TCF20: variants seen among roughly 807,000 people sequenced by gnomAD.
The protein encoded by TCF20 is SPRE-binding protein.
A neutral mutation model predicts 148.6 loss-of-function variants in TCF20; 3 were observed. The ratio of observed to expected loss-of-function variants is 0.02; its 90% CI spans 0.01 to 0.05. The LOEUF (loss-of-function observed/expected upper bound fraction) is 0.05, where lower values mean the gene tolerates loss of function less well. Among genes scored for constraint, TCF20 ranks in the 10% least tolerant of loss-of-function variants. TCF20 has a pLI of 1.00. For synonymous variants in TCF20, 1,049 were observed against 909.5 expected (o/e 1.15, Z -2.76); for missense variants, 2,350 against 2,429.3 (o/e 0.97, Z 0.69).
At chr22:42,231,305 T>C (rs1207152886) in intron 1 of TCF20, among the ~76,000 whole-genome samples, 1 of 151,994 alleles carries the variant, frequency 6.6e-6, no homozygotes, top group Non-Finnish European at 1.5e-5. Context: ...CAACATAGCA[T>C]GACTCCAGCT....
At chr22:42,326,440 T>G (rs1428026489) in intron 1 of TCF20, among the ~76,000 whole-genome samples, 1 of 152,110 alleles carries the variant, frequency 6.6e-6, no homozygotes, top group Non-Finnish European at 1.5e-5. Context: ...CTCATAGAAA[T>G]GAGACATAGC....
At chr22:42,268,032 G>A (rs1926385498) in intron 1 of TCF20, among the ~76,000 whole-genome samples, 1 of 152,062 alleles carries the variant, frequency 6.6e-6, no homozygotes, top group African/African-American at 2.4e-5. Context: ...TCTAATCCCA[G>A]CTACTCGGGA....
chr22:42,312,730 G>C (rs185744813), intron 1 of TCF20, among the ~76,000 whole-genome samples: 1 of 152,090 alleles, frequency 6.6e-6, no homozygotes, highest in Non-Finnish European at 1.5e-5. Flanking sequence ...CTCCCCATCT[G>C]CAAGATGTGA....
At chr22:42,170,969 A>G (rs1936099268) in intron 3 of TCF20, among the ~76,000 whole-genome samples, 1 of 152,148 alleles carries the variant, frequency 6.6e-6, no homozygotes, top group African/African-American at 2.4e-5. Flanking sequence ...AGCCTCCAAC[A>G]CAAATCACAT....
intron 1 of TCF20, among the ~76,000 whole-genome samples, chr22:42,254,076 CAAAAAAAA>C (rs528387021): frequency 3.4e-4 from 18 of 53,592 alleles, no homozygotes; most frequent in East Asian, 7.0e-4. Context: ...AACTCCCTTT[CAAAAAAAA>C]AAAAAAAAAA....
At chr22:42,202,046 CA>C in intron 2 of TCF20, among the ~76,000 whole-genome samples, 1 of 152,292 alleles carries the variant, frequency 6.6e-6, no homozygotes, top group South Asian at 2.1e-4. Flanking sequence ...CCCCCCGCAG[CA>C]AACTTGAGTT....
chr22:42,286,753 A>T (rs1927038945), upstream of TCF20, among the ~76,000 whole-genome samples: 1 of 152,170 alleles, frequency 6.6e-6, no homozygotes, highest in Non-Finnish European at 1.5e-5. Flanking sequence ...AAGCAGGGTA[A>T]CACTCTTTAT....
chr22:42,254,733 G>C (rs571937024), intron 1 of TCF20, among the ~76,000 whole-genome samples: 3 of 152,246 alleles, frequency 2.0e-5, no homozygotes, highest in Non-Finnish European at 4.4e-5. Flanking sequence ...TTGAGAGGCC[G>C]TGACAGGCAG....
chr22:42,254,959 C>CAAAAAAAAAAAAAAAAAAAAAAA (rs10625678), intron 1 of TCF20, among the ~76,000 whole-genome samples: 8 of 62,806 alleles, frequency 1.3e-4, no homozygotes, highest in African/African-American at 7.7e-4. Context: ...GACTCCGTCT[C>CAAAAAAAAAAAAAAAAAAAAAAA]AAAAAAAAAA....
chr22:42,199,511 T>G (rs1937839736), intron 2 of TCF20, among the ~76,000 whole-genome samples: 1 of 152,034 alleles, frequency 6.6e-6, no homozygotes, highest in Non-Finnish European at 1.5e-5. Flanking sequence ...GTGCTCTTTC[T>G]CAGTGTAATT....
At chr22:42,216,731 C>CA (rs749440089) in intron 1 of TCF20, among the ~76,000 whole-genome samples, 279 of 152,232 alleles carry the variant, frequency 1.8e-3, no homozygotes, top group Non-Finnish European at 2.8e-3. Context: ...TGGAGGACAG[C>CA]AAAAAACAGA....
chr22:42,168,881 G>T, intron 4 of TCF20, 145 bp from the exon 5 acceptor site: 1 of 1,166,366 alleles, frequency 8.6e-7, no homozygotes, highest in South Asian at 1.9e-5. Flanking sequence ...GAGACATTCA[G>T]ACAGGGTTTT....
intron 1 of TCF20, among the ~76,000 whole-genome samples, chr22:42,264,661 TTATC>T (rs1420454017): frequency 2.0e-5 from 3 of 152,226 alleles, no homozygotes; most frequent in Non-Finnish European, 2.9e-5. Context: ...AGAACAGGGA[TTATC>T]TTTGTGACCA....
rs540026059 is a variant in TCF20, at chr22:42,193,288, CT to C, written c.5656-13587del. ...TACATCTCCTCCTCCTCCACCTACACTTTTTTTTTTTTTTGAGATAGGGTCT... is the reference window on the plus strand; with the variant it reads ...TACATCTCCTCCTCCTCCACCTACACTTTTTTTTTTTTTGAGATAGGGTCT... On this transcript the variant is annotated intron_variant, in intron 2 of 5. Transcript: ENST00000677622. 2.1e-3 allele frequency among the ~76,000 whole-genome samples: 304 copies of C among 141,784 alleles called. 1 individual carries two copies. Among genetic ancestry groups the C allele is most frequent in the Middle Eastern group, 7.5e-3 (2 of 266 alleles). The allele number at this position is 141,784 out of a possible 152,430, so 93.0% of individuals were successfully genotyped here.
At chr22:42,260,607 C>G (rs990520587) in intron 1 of TCF20, among the ~76,000 whole-genome samples, 3 of 152,116 alleles carry the variant, frequency 2.0e-5, no homozygotes, top group African/African-American at 7.2e-5. Flanking sequence ...ACCTCAGCCT[C>G]CCAAGTAGCC....
chr22:42,214,477 C>T lies in TCF20; in HGVS notation c.829G>A (p.Val277Met), dbSNP rs745338826. 2 of 1,614,204 alleles carry T rather than the reference C, an allele frequency of 1.2e-6. No individual in the cohort carries two copies. Among genetic ancestry groups the T allele is most frequent in the Non-Finnish European group, 1.7e-6 (2 of 1,180,048 alleles). ...NAGSQYEGHNVGSNAQAYGTQ... is the reference protein window; with the variant it reads ...NAGSQYEGHNMGSNAQAYGTQ... ...CCATAAGCCTGTGCATTAGAACCCA[C>T]ATTGTGTCCTTCATACTGAGATCCA... Residue 277 changes from valine to methionine, a missense_variant, in exon 2 of 6, where the codon GTG becomes ATG. Physicochemically the swap from Val to Met is conservative, Grantham distance 21 (BLOSUM62 1). Transcript: ENST00000677622.
At chr22:42,183,023 C>T (rs1936856959) in intron 2 of TCF20, among the ~76,000 whole-genome samples, 1 of 152,236 alleles carries the variant, frequency 6.6e-6, no homozygotes, top group Non-Finnish European at 1.5e-5. Flanking sequence ...AGGCGTGAGC[C>T]ACTGTGCTTG....
intron 1 of TCF20, among the ~76,000 whole-genome samples, chr22:42,283,222 C>T (rs1223524646): frequency 6.6e-6 from 1 of 152,250 alleles, no homozygotes; most frequent in African/African-American, 2.4e-5. Flanking sequence ...CCACCCACTG[C>T]CCCTCCTTTG....
chr22:42,257,998 A>C (rs1460480926), intron 1 of TCF20, among the ~76,000 whole-genome samples: 2 of 152,222 alleles, frequency 1.3e-5, no homozygotes, highest in African/African-American at 4.8e-5. Flanking sequence ...TGGTCTAATA[A>C]ATGGGATTGC....
Sources: gnomAD v4.1 joint callset for allele counts (sites outside exome capture counted in the v4.1 genomes callset) on GRCh38, gnomAD v4.1.1 for gene constraint, MANE v1.5 for transcripts, NCBI Gene and HGNC (gene_info 2026-07-23, HGNC 2026-07-21) for gene names.